The following SMC1A variants were observed in gnomAD, a reference collection of about 807,000 sequenced individuals.
SMC1A encodes structural maintenance of chromosomes protein 1A.
A neutral mutation model predicts 94.5 loss-of-function variants in SMC1A; 4 were observed. The ratio of observed to expected loss-of-function variants is 0.04; its 90% confidence interval spans 0.02 to 0.10. The LOEUF (loss-of-function observed/expected upper bound fraction) is 0.10. Among genes scored for constraint, SMC1A ranks in the 10% least tolerant of loss-of-function variants. The pLI is 1.00. For synonymous variants in SMC1A, 345 were observed against 347.7 expected, an observed-to-expected ratio of 0.99 and a Z score of 0.09; for missense variants, 304 against 989.0, an observed-to-expected ratio of 0.31 and a Z score of 9.29.
chrX:53,396,691 C>A, intron 16 of SMC1A, 74 bp from the exon 17 acceptor site: 1 of 1,099,149 alleles, frequency 9.1e-7, no homozygotes, highest in South Asian at 1.8e-5. Context: ...CTCCTGCTCC[C>A]ACCCTTCCTA....
rs782396631 is a variant in SMC1A, at chrX:53,422,586, T to C, written c.15A>G (p.Lys5=). 4.0e-5 allele frequency: 48 copies of C among 1,195,813 alleles called. No homozygotes were observed. Among genetic ancestry groups the C allele is most frequent in the Non-Finnish European group, 5.0e-5 (44 of 882,418 alleles). The change falls in exon 1 of 25, where the codon AAA becomes AAG. Residue 5 remains lysine, a synonymous_variant. Transcript: ENST00000322213. MGFL[K]LIEIENFKSY... is the part of the protein sequence containing the mutation. ...ACTTAAAGTTCTCAATCTCAATCAG[T>C]TTCAGGAACCCCATGACGGCCGCGG...
chrX:53,391,289 C>T (rs889431977), intron 19 of SMC1A, among the ~76,000 whole-genome samples: 2 of 109,789 alleles, frequency 1.8e-5, no homozygotes, highest in Non-Finnish European at 3.8e-5. Flanking sequence ...GAACTCCAGC[C>T]TGGGTGACAG....
At chrX:53,412,649 CT>C (rs2075717128) in intron 5 of SMC1A, among the ~76,000 whole-genome samples, 1 of 112,228 alleles carries the variant, frequency 8.9e-6, no homozygotes, top group South Asian at 3.7e-4. Context: ...ATTGGTTCCT[CT>C]TTCTTGGCAA....
chrX:53,395,720 A>G (rs1205941875), intron 18 of SMC1A, among the ~76,000 whole-genome samples: 4 of 111,176 alleles, frequency 3.6e-5, no homozygotes, highest in African/African-American at 9.8e-5. Context: ...CTCTTTGGCT[A>G]GTATCTCTGG....
chrX:53,396,680 T>C, intron 16 of SMC1A, 63 bp from the exon 17 acceptor site: 1 of 1,135,851 alleles, frequency 8.8e-7, no homozygotes, highest in Non-Finnish European at 1.2e-6. Context: ...CCTGGGATAT[T>C]CTCCTGCTCC....
chrX:53,385,274 T>A (rs1255679385), intron 19 of SMC1A, among the ~76,000 whole-genome samples: 6 of 92,800 alleles, frequency 6.5e-5, no homozygotes, highest in Admixed American at 2.4e-4. Flanking sequence ...TTTTTTTTTT[T>A]AAGTTTTTTT....
rs782172948 is a variant in SMC1A, at chrX:53,413,038, T to C, written c.716A>G (p.Asn239Ser). The C allele has an allele frequency of 2.5e-6, 3 of 1,209,836 alleles. No individual in the cohort carries two copies. Among genetic ancestry groups the C allele is most frequent in the Admixed American group, 4.4e-5 (2 of 45,673 alleles). ...YHNEVEIEKL[N>S]KELASKNKEI... ...CTTGTTCTTTGAGGCCAGTTCCTTG[T>C]TGAGCTTCTCAATTTCCACTTCATT... The change falls in exon 5 of 25, where the codon AAC becomes AGC. Residue 239 changes from asparagine to serine, a missense_variant. Physicochemically the swap from Asn to Ser is conservative, Grantham distance 46. This residue lies in a region of SMC1A where 120 missense variants were observed against 314.9 expected (regional missense o/e 0.38). Coordinates refer to ENST00000322213, the MANE Select transcript of SMC1A (RefSeq NM_006306.4).
intron 9 of SMC1A, among the ~76,000 whole-genome samples, chrX:53,408,248 T>A (rs1420232149): frequency 4.5e-5 from 5 of 111,558 alleles, no homozygotes; most frequent in African/African-American, 1.6e-4. Context: ...GGAGAATCAC[T>A]TGAGCCTAGG....
intron 19 of SMC1A, among the ~76,000 whole-genome samples, chrX:53,383,982 G>A (rs782050513): frequency 5.4e-5 from 6 of 111,840 alleles, no homozygotes; most frequent in Non-Finnish European, 1.1e-4. Flanking sequence ...AGACTCAGGA[G>A]GACTCAGACT....
chrX:53,409,756 C>T (rs1401619711), intron 7 of SMC1A, among the ~76,000 whole-genome samples: 3 of 111,569 alleles, frequency 2.7e-5, no homozygotes, highest in Non-Finnish European at 3.8e-5. Context: ...ATCTTCTTCA[C>T]CAACCATGGA....
chrX:53,386,655 T>C (rs1302430613), intron 19 of SMC1A, among the ~76,000 whole-genome samples: 8 of 111,353 alleles, frequency 7.2e-5, no homozygotes, highest in African/African-American at 2.6e-4. Context: ...AAAGCAAATG[T>C]GGTAAAATAT....
At chrX:53,414,616 G>A in intron 3 of SMC1A, 142 bp downstream of exon 3, 1 of 515,911 alleles carries the variant, frequency 1.9e-6, no homozygotes. Context: ...TCAGGGGCCA[G>A]ACTGAAGTTG....
Position 53,403,888 on chromosome X carries a change from T to C in SMC1A, c.2202A>G (p.Lys734=). ...TRHLALNLQE[K]SKLESELANF... is the part of the protein sequence containing the mutation. ...TGGCTAGCTCACTCTCCAGCTTGGATTTTTCCTACAGGCAATGGGTTGAGA... is the reference window on the plus strand; with the variant it reads ...TGGCTAGCTCACTCTCCAGCTTGGACTTTTCCTACAGGCAATGGGTTGAGA... Residue 734 remains lysine (K), a synonymous_variant, in exon 14 of 25, where the codon AAA becomes AAG. Coordinates refer to ENST00000322213, the MANE Select transcript of SMC1A (RefSeq NM_006306.4). The C allele has an allele frequency of 8.4e-7, 1 of 1,192,814 alleles. No individual in the cohort carries two copies. The highest frequency in any genetic ancestry group is 1.1e-6 in the Non-Finnish European group (1 of 878,236).
At chrX:53,405,179 G>T (rs1338276158) in intron 12 of SMC1A, 30 bp from the exon 13 acceptor site, 2 of 1,212,040 alleles carry the variant, frequency 1.7e-6, no homozygotes, top group East Asian at 5.9e-5. Flanking sequence ...AGGGCTAGGT[G>T]GTAAGGTGGT....
At chrX:53,387,208 G>A (rs1447056474) in intron 19 of SMC1A, among the ~76,000 whole-genome samples, 1 of 111,687 alleles carries the variant, frequency 9.0e-6, no homozygotes, top group Non-Finnish European at 1.9e-5. Flanking sequence ...TGTTAGCCAG[G>A]ATGGTCTCCA....
In SMC1A at chrX:53,375,289, TAGATCA is replaced by T. The variant is rs1195624174; in HGVS notation, c.*4808_*4813del. ...CTGCCTGTCCTGATCTACAATGGGA[TAGATCA>T]AGATCAAGACTCCAGAGATGACATA... On this transcript the variant is annotated 3_prime_UTR_variant, in exon 25 of 25. Coordinates refer to ENST00000322213, the MANE Select transcript of SMC1A (RefSeq NM_006306.4). 2 of 111,875 alleles carry T rather than the reference TAGATCA, an allele frequency of 1.8e-5. No individual in the cohort carries two copies. The highest frequency in any genetic ancestry group is 3.3e-5 in the African/African-American group (1 of 30,722). 9.2% of individuals were successfully genotyped at this position (111,875 alleles called of 1,213,427 possible). A position where few individuals can be genotyped will look rare whatever the true frequency, so the allele number is the denominator to read the frequency against.
chrX:53,383,511 C>T (rs781972997), intron 19 of SMC1A, among the ~76,000 whole-genome samples: 4 of 112,343 alleles, frequency 3.6e-5, no homozygotes, highest in South Asian at 7.4e-4. Context: ...CCCTGCCAAC[C>T]GCTTTGTCTC....
At chrX:53,415,312 C>A in intron 1 of SMC1A, 143 bp from the exon 2 acceptor site, 1 of 528,255 alleles carries the variant, frequency 1.9e-6, no homozygotes, top group Non-Finnish European at 3.2e-6. Context: ...CCTCTGTCCC[C>A]ATAAAGACTG....
chrX:53,396,203 C>G, intron 18 of SMC1A, 24 bp downstream of exon 18: 1 of 1,207,542 alleles, frequency 8.3e-7, no homozygotes, highest in Non-Finnish European at 1.1e-6. Context: ...ATCGCCCACT[C>G]CCACCACCAG....
Sources: gnomAD v4.1 joint callset for allele counts (sites outside exome capture counted in the v4.1 genomes callset) on GRCh38, gnomAD v4.1.1 for gene constraint, gnomAD v4.1.1 regional missense constraint, MANE v1.5 for transcripts, NCBI Gene and HGNC (gene_info 2026-07-23, HGNC 2026-07-21) for gene names.